Variants in POLR3E observed in about 807,000 individuals in gnomAD.
The protein encoded by POLR3E is DNA-directed RNA polymerase III subunit RPC5.
Under a neutral mutation model 96.6 loss-of-function variants are expected in POLR3E, and 41 were observed. The ratio of observed to expected loss-of-function variants is 0.42; its 90% CI spans 0.33 to 0.55. POLR3E has a LOEUF of 0.55. POLR3E is among the 20% of genes least tolerant of loss of function. The pLI is 0.06. For synonymous variants in POLR3E, 396 were observed against 383.6 expected (o/e 1.03, Z -0.38); for missense variants, 849 against 952.1 (o/e 0.89, Z 1.43).
Position 22,320,448 on chromosome 16 carries a change from G to C in POLR3E, c.986+1502G>C, listed in dbSNP as rs527782318. 5.9e-5 allele frequency among the ~76,000 whole-genome samples: 9 copies of C among 152,128 alleles called. No individual in the cohort carries two copies. In the South Asian group the frequency reaches 1.9e-3, roughly 32 times the overall value. On this transcript the variant is annotated intron_variant, in intron 13 of 20. Coordinates refer to ENST00000299853, the MANE Select transcript of POLR3E (RefSeq NM_018119.4). ...GGCTAATTTTTGTATTTTTAGAAGA[G>C]GCAGGGTTTTGCTGTGTTGGCCAGC...
At chr16:22,325,325 C>G in intron 17 of POLR3E, 59 bp downstream of exon 17, 1 of 1,367,924 alleles carries the variant, frequency 7.3e-7, no homozygotes, top group Non-Finnish European at 1.0e-6. Context: ...TCCGGAAGGG[C>G]TGCTGTGCTA....
chr16:22,330,380 A>G (rs1472751728), intron 19 of POLR3E, among the ~76,000 whole-genome samples: 12 of 152,204 alleles, frequency 7.9e-5, no homozygotes, highest in Admixed American at 7.9e-4. Context: ...CCACCACACC[A>G]GGCCTTTACC....
intron 14 of POLR3E, 135 bp from the exon 15 acceptor site, chr16:22,324,219 C>G (rs1322731388): frequency 4.4e-6 from 3 of 676,630 alleles, no homozygotes; most frequent in East Asian, 2.7e-5. Context: ...TGAGGCCACA[C>G]TGTTGGGAAG....
In POLR3E at chr16:22,326,454, TC is replaced by T; in HGVS notation, c.1866+177del. On this transcript the variant is annotated intron_variant, in intron 18 of 20. Transcript: ENST00000299853. ...GAGGCTCTATTCTCATGAAATGGGA[TC>T]ATGTTGGGTTTTATGTCACAGGACT... 6.2e-6 allele frequency: 4 copies of T among 647,986 alleles called. No homozygotes were observed. The Admixed American group carries it at 6.8e-5, about 11-fold the overall frequency. The allele number at this position is 647,986 out of a possible 1,614,324, so 40.1% of individuals were successfully genotyped here.
intron 19 of POLR3E, 35 bp from the exon 20 acceptor site, chr16:22,332,025 C>G: frequency 6.2e-7 from 1 of 1,606,218 alleles, no homozygotes; most frequent in Non-Finnish European, 8.5e-7. Flanking sequence ...TTTTAGATCA[C>G]TGTTTCCCAT....
Position 22,325,886 on chromosome 16 carries a change from C to T in POLR3E, c.1474C>T (p.Pro492Ser), listed in dbSNP as rs772324916. 4 of 1,609,586 alleles carry T rather than the reference C, an allele frequency of 2.5e-6. No homozygotes were observed. In the East Asian group the frequency reaches 6.7e-5, roughly 27 times the overall value. The change falls in exon 18 of 21, where the codon CCG becomes TCG. Residue 492 changes from proline to serine, a missense_variant. Pro to Ser is a moderately conservative substitution (Grantham distance 74). Transcript: ENST00000299853. The stretch of plus-strand genomic sequence containing the variant: ...GGAGCAGCTGCGGGTGCCTGCGGTC[C>T]CGCCCGGTGTGCGGATCAAGGAGGA... ...RKEQLRVPAV[P>S]PGVRIKEEPV...
chr16:22,316,832 G>C, intron 10 of POLR3E, 146 bp downstream of exon 10: 2 of 972,272 alleles, frequency 2.1e-6, no homozygotes, highest in Non-Finnish European at 3.3e-6. Context: ...AGGAGGGTGG[G>C]CCTGGAAAGA....
At chr16:22,333,522 GT>G in intron 20 of POLR3E, 121 bp from the exon 21 acceptor site, 1 of 715,142 alleles carries the variant, frequency 1.4e-6, no homozygotes, top group Non-Finnish European at 2.5e-6. Context: ...TGGTTAGGCA[GT>G]TTTTGATTTC....
intron 3 of POLR3E, among the ~76,000 whole-genome samples, chr16:22,307,142 G>C (rs1178780407): frequency 6.6e-6 from 1 of 152,194 alleles, no homozygotes; most frequent in Non-Finnish European, 1.5e-5. Context: ...GGGAGGTGAG[G>C]ATGCTTAGCC....
At chr16:22,323,015 C>T (rs572434399) in intron 14 of POLR3E, 84 bp downstream of exon 14, 21 of 887,620 alleles carry the variant, frequency 2.4e-5, no homozygotes, top group South Asian at 2.0e-4. Context: ...GACCGGGGCC[C>T]GGCAGAGGCT....
chr16:22,328,548 G>A lies in POLR3E; in HGVS notation c.1905G>A (p.Lys635=). 4.3e-6 allele frequency: 7 copies of A among 1,614,106 alleles called. No homozygotes were observed. The highest frequency in any genetic ancestry group is 5.9e-6 in the Non-Finnish European group (7 of 1,179,992). ...CTGCTGCTTCCCCGGATGAGCAGAA[G>A]GTGTTTGCCCTCTGGGAGTCTGGAG... ...PQTAASPDEQ[K]VFALWESGDM... Residue 635 remains lysine, a synonymous_variant, in exon 19 of 21, where the codon AAG becomes AAA. Transcript: ENST00000299853.
At chr16:22,332,638 G>A (rs2048764874) in intron 20 of POLR3E, among the ~76,000 whole-genome samples, 1 of 152,162 alleles carries the variant, frequency 6.6e-6, no homozygotes, top group South Asian at 2.1e-4. Context: ...GGGCCTAGTT[G>A]AGAATCCTCA....
intron 6 of POLR3E, chr16:22,310,125 G>A (rs1324996772): frequency 1.9e-5 from 3 of 154,272 alleles, no homozygotes; most frequent in African/African-American, 7.2e-5. Context: ...TACGCGCTGT[G>A]TGATTACGTC....
intron 13 of POLR3E, among the ~76,000 whole-genome samples, chr16:22,320,972 G>GTTCGTTTAGATGTGTCT (rs1457070263): frequency 6.6e-6 from 1 of 152,114 alleles, no homozygotes; most frequent in Non-Finnish European, 1.5e-5. Context: ...TTTTCTACGG[G>GTTCGTTTAGATGTGTCT]TTCGTTTAGA....
Position 22,315,099 on chromosome 16 carries a change from C to G in POLR3E, c.533C>G (p.Ser178Cys), listed in dbSNP as rs780713502. 1 of 1,613,350 alleles carries G rather than the reference C, an allele frequency of 6.2e-7. No individual in the cohort carries two copies. The highest frequency in any genetic ancestry group is 1.1e-5 in the South Asian group (1 of 90,952). Residue 178 changes from serine (S) to cysteine (C), a missense_variant, in exon 9 of 21, where the codon TCC becomes TGC. Ser to Cys is a moderately radical substitution (Grantham distance 112). Coordinates refer to ENST00000299853, the MANE Select transcript of POLR3E (RefSeq NM_018119.4). ...CCCTTCCCACCGCAGGTGCGGTTCT[C>G]CCGGCCGGAGTCAGAGCAGGCCCGC... ...DDVKQITVRF[S>C]RPESEQARQR... is the part of the protein sequence containing the mutation.
At chr16:22,301,754 T>C (rs2048028283) in intron 1 of POLR3E, among the ~76,000 whole-genome samples, 1 of 151,794 alleles carries the variant, frequency 6.6e-6, no homozygotes, top group South Asian at 2.1e-4. Flanking sequence ...GGCAAGTCCC[T>C]GTCTCTACTA....
intron 4 of POLR3E, 77 bp from the exon 5 acceptor site, chr16:22,308,848 A>AT: frequency 1.1e-6 from 1 of 921,110 alleles, no homozygotes; most frequent in South Asian, 1.5e-5. Context: ...GGAGGTGGCC[A>AT]TGGTGGGGTT....
chr16:22,328,952 C>G (rs1325578576), intron 19 of POLR3E: 1 of 245,206 alleles, frequency 4.1e-6, no homozygotes, highest in Admixed American at 5.0e-5. Context: ...ATGGTGAAAC[C>G]CCATCTCTAC....
At chr16:22,326,501 T>G in intron 18 of POLR3E, 1 of 582,096 alleles carries the variant, frequency 1.7e-6, no homozygotes, top group East Asian at 3.0e-5. Flanking sequence ...CTAAATACGG[T>G]GTCTGAAGGC....
Sources: gnomAD v4.1 joint callset for allele counts (sites outside exome capture counted in the v4.1 genomes callset) on GRCh38, gnomAD v4.1.1 for gene constraint, MANE v1.5 for transcripts, NCBI Gene and HGNC (gene_info 2026-07-23, HGNC 2026-07-21) for gene names.